Variants in SLC4A7 observed in about 807,000 individuals in gnomAD.
SLC4A7 encodes solute carrier family 4 member 7, also known as sodium bicarbonate cotransporter 3.
A neutral mutation model predicts 137.6 loss-of-function variants in SLC4A7; 51 were observed. The observed-to-expected ratio is 0.37, with a 90% CI of 0.30 to 0.47. The LOEUF is 0.47. SLC4A7 is among the 20% of genes least tolerant of loss of function. SLC4A7 has a pLI of 1.00. For missense variants in SLC4A7, 1,247 were observed against 1,525.4 expected, an observed-to-expected ratio of 0.82 and a Z score of 3.04; for synonymous variants, 542 against 518.6, an observed-to-expected ratio of 1.05 and a Z score of -0.61.
chr3:27,407,397 T>C (rs1448918566), intron 13 of SLC4A7, among the ~76,000 whole-genome samples: 2 of 151,530 alleles, frequency 1.3e-5, no homozygotes, highest in Non-Finnish European at 2.9e-5. Flanking sequence ...GGAGAATTGC[T>C]TGAACCCGAG....
intron 3 of SLC4A7, among the ~76,000 whole-genome samples, chr3:27,446,526 C>A (rs1324077000): frequency 4.6e-5 from 7 of 152,032 alleles, no homozygotes; most frequent in Non-Finnish European, 1.0e-4. Flanking sequence ...AACATCAAAC[C>A]ACATACTTAG....
At chr3:27,450,132 A>C (rs867913430) in intron 2 of SLC4A7, among the ~76,000 whole-genome samples, 2 of 152,200 alleles carry the variant, frequency 1.3e-5, no homozygotes, top group Non-Finnish European at 2.9e-5. Flanking sequence ...AGCTGCCAAT[A>C]TATTAACCTC....
At chr3:27,438,798 C>A (rs552346433) in intron 3 of SLC4A7, among the ~76,000 whole-genome samples, 3 of 151,940 alleles carry the variant, frequency 2.0e-5, no homozygotes, top group Non-Finnish European at 4.4e-5. Context: ...TCTCCAAGTT[C>A]CAAAAAATGA....
At chr3:27,482,488 A>G (rs1201900979) in intron 1 of SLC4A7, among the ~76,000 whole-genome samples, 4 of 152,144 alleles carry the variant, frequency 2.6e-5, no homozygotes, top group Non-Finnish European at 5.9e-5. Flanking sequence ...GAATTACAGA[A>G]GGCCAGGCGC....
At chr3:27,450,717 T>A (rs1404330317) in intron 2 of SLC4A7, among the ~76,000 whole-genome samples, 1 of 152,130 alleles carries the variant, frequency 6.6e-6, no homozygotes, top group East Asian at 1.9e-4. Flanking sequence ...ATTGGTAGAT[T>A]AAGCTTATTG....
chr3:27,408,862 C>T (rs1327987695), intron 13 of SLC4A7, among the ~76,000 whole-genome samples: 1 of 152,152 alleles, frequency 6.6e-6, no homozygotes, highest in African/African-American at 2.4e-5. Flanking sequence ...AAATTAAATG[C>T]CACTTCAAAA....
intron 21 of SLC4A7, among the ~76,000 whole-genome samples, chr3:27,390,489 A>G (rs927701711): frequency 6.6e-6 from 1 of 152,224 alleles, no homozygotes; most frequent in Non-Finnish European, 1.5e-5. Flanking sequence ...TTCTTCACAA[A>G]TTTAACCAGA....
At chr3:27,411,913 C>T in intron 11 of SLC4A7, among the ~76,000 whole-genome samples, 165 bp from the exon 12 acceptor site, 1 of 152,110 alleles carries the variant, frequency 6.6e-6, no homozygotes, top group East Asian at 1.9e-4. Flanking sequence ...ATAGATTGCT[C>T]TTTAAAAATA....
At chr3:27,436,333 AT>A in intron 5 of SLC4A7, 54 bp downstream of exon 5, 1 of 1,309,648 alleles carries the variant, frequency 7.6e-7, no homozygotes, top group Non-Finnish European at 1.1e-6. Context: ...TGTTAAATGA[AT>A]GTCTAAAATT....
At chr3:27,432,481 T>C (rs765005971) in intron 6 of SLC4A7, among the ~76,000 whole-genome samples, 3 of 152,220 alleles carry the variant, frequency 2.0e-5, no homozygotes, top group Non-Finnish European at 2.9e-5. Flanking sequence ...CAAAAGGTCA[T>C]GCATACTTTT....
At chr3:27,426,379 T>C (rs942566055) in intron 7 of SLC4A7, among the ~76,000 whole-genome samples, 8 of 152,198 alleles carry the variant, frequency 5.3e-5, no homozygotes, top group Admixed American at 1.3e-4. Flanking sequence ...GCTCAAGAGA[T>C]AAAAAGTTAA....
intron 1 of SLC4A7, among the ~76,000 whole-genome samples, chr3:27,471,565 T>A (rs542989890): frequency 6.6e-6 from 1 of 152,252 alleles, no homozygotes; most frequent in South Asian, 2.1e-4. Flanking sequence ...AGAGATGGGG[T>A]TCCTCCACGT....
At chr3:27,448,555 T>A (rs944951580) in intron 3 of SLC4A7, 96 bp downstream of exon 3, 1 of 997,384 alleles carries the variant, frequency 1.0e-6, no homozygotes, top group Admixed American at 2.2e-5. Context: ...CATTAATGCA[T>A]ACATACAATT....
chr3:27,463,204 G>A (rs1559830015), intron 1 of SLC4A7, among the ~76,000 whole-genome samples: 1 of 152,196 alleles, frequency 6.6e-6, no homozygotes. Context: ...AAGGAGGGCG[G>A]ATGACGAGGT....
chr3:27,481,887 G>T (rs986003121), intron 1 of SLC4A7, among the ~76,000 whole-genome samples: 1 of 152,180 alleles, frequency 6.6e-6, no homozygotes, highest in African/African-American at 2.4e-5. Flanking sequence ...TGTAATCCCA[G>T]CACTCTGTGA....
At chr3:27,448,490 T>A (rs1181917348) in intron 3 of SLC4A7, among the ~76,000 whole-genome samples, 161 bp downstream of exon 3, 1 of 151,936 alleles carries the variant, frequency 6.6e-6, no homozygotes, top group East Asian at 1.9e-4. Context: ...AAAAAAAAAA[T>A]TATTACTTCA....
At chr3:27,427,094 G>A (rs1038209444) in intron 7 of SLC4A7, among the ~76,000 whole-genome samples, 1 of 151,944 alleles carries the variant, frequency 6.6e-6, no homozygotes, top group African/African-American at 2.4e-5. Flanking sequence ...GACCCCCAAG[G>A]GACTTGTGAC....
At chr3:27,392,300 G>C (rs940856945) in intron 20 of SLC4A7, among the ~76,000 whole-genome samples, 10 of 152,124 alleles carry the variant, frequency 6.6e-5, no homozygotes, top group Non-Finnish European at 1.3e-4. Context: ...CAGTTATGAT[G>C]ATCCCAAACT....
intron 1 of SLC4A7, among the ~76,000 whole-genome samples, chr3:27,480,436 C>G (rs1215689265): frequency 1.3e-5 from 2 of 152,076 alleles, no homozygotes; most frequent in African/African-American, 4.8e-5. Flanking sequence ...ATTATGTTGC[C>G]CAGGCTGGTC....
Sources: gnomAD v4.1 joint callset for allele counts (sites outside exome capture counted in the v4.1 genomes callset) on GRCh38, gnomAD v4.1.1 for gene constraint, MANE v1.5 for transcripts, NCBI Gene and HGNC (gene_info 2026-07-23, HGNC 2026-07-21) for gene names.